Variants in SDK1 observed in about 807,000 individuals in gnomAD.
SDK1 encodes protein sidekick-1.
SDK1 carries 157 observed loss-of-function variants against 245.5 expected under a neutral mutation model. That is an observed-to-expected ratio of 0.64 (90% confidence interval 0.56 to 0.73). The LOEUF (loss-of-function observed/expected upper bound fraction) is 0.73, where lower values mean the gene tolerates loss of function less well. Among genes scored for constraint, SDK1 ranks in the 30% least tolerant of loss-of-function variants. SDK1 has a pLI of 0.00. For synonymous variants in SDK1, 1,647 were observed against 1,278.5 expected (o/e 1.29, Z -6.15); for missense variants, 3,583 against 3,002.3 (o/e 1.19, Z -4.52).
At chr7:3,567,962 A>T (rs993552807) in intron 1 of SDK1, among the ~76,000 whole-genome samples, 4 of 152,114 alleles carry the variant, frequency 2.6e-5, no homozygotes, top group African/African-American at 9.7e-5. Flanking sequence ...GACCACAGGT[A>T]TGCACAACCA....
chr7:3,543,469 G>A (rs1260027022), intron 1 of SDK1, among the ~76,000 whole-genome samples: 3 of 152,342 alleles, frequency 2.0e-5, no homozygotes, highest in African/African-American at 7.2e-5. Flanking sequence ...AGGTGAGTGG[G>A]AGAGACTGCC....
chr7:3,963,125 A>G (rs1427522752), intron 9 of SDK1, among the ~76,000 whole-genome samples: 10 of 121,526 alleles, frequency 8.2e-5, no homozygotes, highest in African/African-American at 3.2e-4. Flanking sequence ...GCTCACAGCT[A>G]CCTGATCTGG....
chr7:4,242,005 C>A, intron 43 of SDK1, 92 bp downstream of exon 43: 3 of 1,466,242 alleles, frequency 2.0e-6, no homozygotes, highest in South Asian at 1.3e-5. Context: ...TCCTGCATCC[C>A]GCCCTGTGGT....
chr7:4,088,768 G>T (rs1468435346), intron 22 of SDK1, among the ~76,000 whole-genome samples: 1 of 152,194 alleles, frequency 6.6e-6, no homozygotes, highest in Non-Finnish European at 1.5e-5. Flanking sequence ...GTTCATAAGT[G>T]AACTTGGCCT....
intron 4 of SDK1, among the ~76,000 whole-genome samples, chr7:3,707,293 G>C (rs1411999358): frequency 6.6e-6 from 1 of 152,112 alleles, no homozygotes; most frequent in Non-Finnish European, 1.5e-5. Context: ...TTTCCATCTT[G>C]ATTTCATTGT....
intron 1 of SDK1, among the ~76,000 whole-genome samples, chr7:3,353,920 T>A (rs566127029): frequency 6.6e-6 from 1 of 152,246 alleles, no homozygotes; most frequent in East Asian, 1.9e-4. Context: ...GAAAGTTACG[T>A]AACTGACTTG....
intron 1 of SDK1, among the ~76,000 whole-genome samples, chr7:3,465,303 C>T (rs73296760): frequency 6.6e-6 from 1 of 152,070 alleles, no homozygotes; most frequent in Non-Finnish European, 1.5e-5. Context: ...ATAATTCTCC[C>T]CAGCATTTCC....
chr7:3,582,552 G>C (rs1328451337), intron 1 of SDK1, among the ~76,000 whole-genome samples: 1 of 151,996 alleles, frequency 6.6e-6, no homozygotes, highest in Non-Finnish European at 1.5e-5. Flanking sequence ...TGGGAGGAGG[G>C]AAATGATAAG....
At chr7:4,014,499 G>A (rs1414009883) in intron 16 of SDK1, among the ~76,000 whole-genome samples, 1 of 152,172 alleles carries the variant, frequency 6.6e-6, no homozygotes, top group Admixed American at 6.5e-5. Flanking sequence ...TAATCCTCTG[G>A]TCTGCACATC....
chr7:3,409,749 G>A (rs941753709), intron 1 of SDK1, among the ~76,000 whole-genome samples: 1 of 152,122 alleles, frequency 6.6e-6, no homozygotes, highest in South Asian at 2.1e-4. Flanking sequence ...GGAGAACCAC[G>A]CTTTGTATTT....
intron 40 of SDK1, 66 bp from the exon 41 acceptor site, chr7:4,233,189 C>T: frequency 2.0e-6 from 3 of 1,507,454 alleles, no homozygotes; most frequent in Admixed American, 1.7e-5. Flanking sequence ...CAGGCAGGTG[C>T]ATGGGGCTCG....
intron 4 of SDK1, among the ~76,000 whole-genome samples, chr7:3,678,567 T>G (rs181027231): frequency 2.0e-5 from 3 of 152,324 alleles, no homozygotes; most frequent in Non-Finnish European, 4.4e-5. Flanking sequence ...ACATGAGGTC[T>G]CTAGAATACG....
rs953014709 is a variant in SDK1, at chr7:4,163,003, C to T, written c.4800+1147C>T. Among the ~76,000 whole-genome samples the T allele has an allele frequency of 2.0e-5, 3 of 152,310 alleles. No homozygotes were observed. The East Asian group carries it at 5.8e-4, about 29-fold the overall frequency. On this transcript the variant is annotated intron_variant, in intron 32 of 44. Transcript: ENST00000404826. ...GCCCAGGGCCTGTGTAGCCCGGATC[C>T]GGGGCAGACAGATGTTGAGTTTCCC...
chr7:4,055,900 G>A (rs1301264838), intron 19 of SDK1, among the ~76,000 whole-genome samples: 1 of 151,968 alleles, frequency 6.6e-6, no homozygotes, highest in Non-Finnish European at 1.5e-5. Context: ...GAATTAATTG[G>A]AAGTGTGCTG....
intron 35 of SDK1, among the ~76,000 whole-genome samples, chr7:4,197,049 T>A (rs537853313): frequency 2.0e-5 from 3 of 152,228 alleles, no homozygotes; most frequent in Non-Finnish European, 4.4e-5. Flanking sequence ...GGGAGTGGCC[T>A]CCAACGATCT....
chr7:3,390,203 A>T (rs957356736), intron 1 of SDK1, among the ~76,000 whole-genome samples: 1 of 152,186 alleles, frequency 6.6e-6, no homozygotes, highest in African/African-American at 2.4e-5. Flanking sequence ...CTTCAGCTTC[A>T]TGCCGGAGGG....
intron 5 of SDK1, among the ~76,000 whole-genome samples, chr7:3,850,496 C>T (rs1452724269): frequency 6.6e-6 from 1 of 152,168 alleles, no homozygotes; most frequent in Non-Finnish European, 1.5e-5. Context: ...ACCTAGCTAT[C>T]CCATTACTGG....
At chr7:4,188,918 C>T (rs1469077442) in intron 35 of SDK1, among the ~76,000 whole-genome samples, 5 of 152,074 alleles carry the variant, frequency 3.3e-5, no homozygotes, top group East Asian at 1.9e-4. Context: ...TTACTGTTGC[C>T]CTAGTACTTC....
rs151329243 is a variant in SDK1, at chr7:3,578,967, G to T, written c.299-40113G>T. 2.6e-3 allele frequency among the ~76,000 whole-genome samples: 391 copies of T among 152,004 alleles called. 4 individuals carry two copies. Among genetic ancestry groups the T allele is most frequent in the African/African-American group, 9.2e-3 (383 of 41,516 alleles). On this transcript the variant is annotated intron_variant, in intron 1 of 44. Coordinates refer to ENST00000404826, the MANE Select transcript of SDK1 (RefSeq NM_152744.4). The stretch of plus-strand genomic sequence containing the variant: ...ATTAAGAGATTAAAGTAAGACAGGT[G>T]TAAGAAATTATAAGAGTATTATTAG...
Sources: gnomAD v4.1 joint callset for allele counts (sites outside exome capture counted in the v4.1 genomes callset) on GRCh38, gnomAD v4.1.1 for gene constraint, MANE v1.5 for transcripts, NCBI Gene and HGNC (gene_info 2026-07-23, HGNC 2026-07-21) for gene names.